The following UGT1A8 variants were observed in gnomAD, a reference collection of about 807,000 sequenced individuals.
The protein encoded by UGT1A8 is UDP glucuronosyltransferase family 1 member A8.
In UGT1A8, 39 loss-of-function variants were observed where a neutral mutation model predicts 45.3. That is an observed-to-expected ratio of 0.86 (90% confidence interval 0.67 to 1.12). The LOEUF (loss-of-function observed/expected upper bound fraction) is 1.12. Among genes scored for constraint, UGT1A8 ranks in the 50% most tolerant of loss-of-function variants. The pLI is 0.00. For missense variants in UGT1A8, 719 were observed against 664.9 expected, an observed-to-expected ratio of 1.08 and a Z score of -0.90; for synonymous variants, 275 against 249.2, an observed-to-expected ratio of 1.10 and a Z score of -0.97.
chr2:233,620,979 T>C (rs2072993470), intron 1 of UGT1A8, among the ~76,000 whole-genome samples: 1 of 152,136 alleles, frequency 6.6e-6, no homozygotes, highest in Non-Finnish European at 1.5e-5. Flanking sequence ...TGTGTTTGTG[T>C]ATGTGCAGGT....
chr2:233,739,804 C>T (rs901133058), intron 1 of UGT1A8, among the ~76,000 whole-genome samples: 1 of 152,002 alleles, frequency 6.6e-6, no homozygotes, highest in Non-Finnish European at 1.5e-5. Flanking sequence ...GTTGGGAAGG[C>T]ATGATTGGTT....
chr2:233,703,735 G>A (rs1441976510), intron 1 of UGT1A8, among the ~76,000 whole-genome samples: 1 of 150,928 alleles, frequency 6.6e-6, no homozygotes, highest in Admixed American at 6.6e-5. Flanking sequence ...ACTTTTTTTT[G>A]TTTTTAAATC....
intron 1 of UGT1A8, chr2:233,729,198 C>T (rs2077812796): frequency 6.2e-6 from 10 of 1,614,028 alleles, no homozygotes; most frequent in Non-Finnish European, 8.5e-6. Flanking sequence ...GTGTCCAGCC[C>T]TGGGCTGAGA....
At chr2:233,682,827 T>A (rs771011097) in intron 1 of UGT1A8, 7 of 1,565,042 alleles carry the variant, frequency 4.5e-6, no homozygotes, top group South Asian at 2.4e-5. Flanking sequence ...TTAAGAATAA[T>A]CTGGCTTTGG....
At position 233,637,156 on chromosome 2, in the gene UGT1A8, G is replaced by C. The variant is rs139087628; in HGVS notation, c.855+18594G>C. The C allele has an allele frequency of 6.2e-7, 1 of 1,613,912 alleles. No homozygotes were observed. The highest frequency in any genetic ancestry group is 1.7e-5 in the Admixed American group (1 of 60,014). On this transcript the variant is annotated intron_variant, in intron 1 of 4. Transcript: ENST00000373450. ...CAAGGAGAGAGTATGGAACCACATC[G>C]TGCACTTGGAGGACCATTTATTTTG...
At chr2:233,692,312 A>G (rs2075089951) in intron 1 of UGT1A8, 1 of 153,442 alleles carries the variant, frequency 6.5e-6, no homozygotes, top group Non-Finnish European at 1.5e-5. Context: ...TATCCTTTGT[A>G]ATAAACCAAA....
At chr2:233,739,139 T>G (rs539919985) in intron 1 of UGT1A8, 1 of 152,378 alleles carries the variant, frequency 6.6e-6, no homozygotes, top group African/African-American at 2.4e-5. Flanking sequence ...AATTTAGGTT[T>G]GGGAACCTCC....
chr2:233,673,439 A>G (rs1309452303), intron 1 of UGT1A8, among the ~76,000 whole-genome samples: 1 of 151,998 alleles, frequency 6.6e-6, no homozygotes, highest in East Asian at 1.9e-4. Context: ...CCGTGTAAAC[A>G]CTCTTTAATA....
chr2:233,749,891 C>A (rs769638729), intron 1 of UGT1A8, among the ~76,000 whole-genome samples: 71 of 152,066 alleles, frequency 4.7e-4, no homozygotes, highest in Admixed American at 1.4e-3. Context: ...CTGAGGCTCC[C>A]CCCTCCAGCC....
At chr2:233,712,590 A>G (rs1407405670) in intron 1 of UGT1A8, among the ~76,000 whole-genome samples, 1 of 152,212 alleles carries the variant, frequency 6.6e-6, no homozygotes, top group African/African-American at 2.4e-5. Context: ...AGCAGAGACC[A>G]TATGGTTGGG....
intron 1 of UGT1A8, among the ~76,000 whole-genome samples, chr2:233,624,428 G>C (rs2073060937): frequency 6.6e-6 from 1 of 152,036 alleles, no homozygotes; most frequent in Admixed American, 6.6e-5. Context: ...AAGATGCGGA[G>C]GTCTTTTCTT....
At chr2:233,646,812 T>G (rs947335993) in intron 1 of UGT1A8, among the ~76,000 whole-genome samples, 13 of 152,022 alleles carry the variant, frequency 8.6e-5, no homozygotes, top group Admixed American at 2.0e-4. Context: ...CCTCCAAACT[T>G]TGCCAACCTC....
intron 1 of UGT1A8, among the ~76,000 whole-genome samples, chr2:233,628,584 A>T (rs986670026): frequency 4.6e-5 from 7 of 151,946 alleles, no homozygotes; most frequent in Admixed American, 3.3e-4. Context: ...TTTTCTTTAC[A>T]ATCTGGACAC....
At chr2:233,725,746 A>G (rs561123272) in intron 1 of UGT1A8, among the ~76,000 whole-genome samples, 3 of 152,340 alleles carry the variant, frequency 2.0e-5, no homozygotes, top group African/African-American at 7.2e-5. Context: ...AAACATTGTA[A>G]GAGACTTACA....
intron 1 of UGT1A8, among the ~76,000 whole-genome samples, chr2:233,704,140 C>G (rs1322869617): frequency 6.6e-6 from 1 of 152,114 alleles, no homozygotes; most frequent in Non-Finnish European, 1.5e-5. Flanking sequence ...ATCCACCCGC[C>G]TCAGCCTTTC....
intron 1 of UGT1A8, among the ~76,000 whole-genome samples, chr2:233,638,792 C>G (rs2073372448): frequency 6.6e-6 from 1 of 152,154 alleles, no homozygotes; most frequent in South Asian, 2.1e-4. Context: ...GTTCAGCCAT[C>G]TCATAGGAAA....
intron 1 of UGT1A8, chr2:233,693,224 A>C (rs1302767183): frequency 6.2e-7 from 1 of 1,614,120 alleles, no homozygotes; most frequent in Non-Finnish European, 8.5e-7. Flanking sequence ...CAAATACTAC[A>C]CAAGAAAAAT....
At chr2:233,747,348 G>C in intron 1 of UGT1A8, 1 of 1,603,426 alleles carries the variant, frequency 6.2e-7, no homozygotes, top group Admixed American at 1.7e-5. Flanking sequence ...TCGCATGCGG[G>C]AGGCCGTGCG....
At chr2:233,697,949 A>G (rs2075419607) in intron 1 of UGT1A8, among the ~76,000 whole-genome samples, 1 of 152,244 alleles carries the variant, frequency 6.6e-6, no homozygotes, top group Non-Finnish European at 1.5e-5. Flanking sequence ...AGTAAATGAA[A>G]GCTATTTATT....
Sources: gnomAD v4.1 joint callset for allele counts (sites outside exome capture counted in the v4.1 genomes callset) on GRCh38, gnomAD v4.1.1 for gene constraint, MANE v1.5 for transcripts, NCBI Gene and HGNC (gene_info 2026-07-23, HGNC 2026-07-21) for gene names.